The following SI variants were observed in gnomAD, a reference collection of about 807,000 sequenced individuals.
SI encodes the protein sucrase-isomaltase, intestinal.
Under a neutral mutation model 253.3 loss-of-function variants are expected in SI, and 235 were observed. That is an observed-to-expected ratio of 0.93 (90% CI 0.83 to 1.03). SI has a LOEUF of 1.03. SI is among the 50% of genes least tolerant of loss of function. The pLI is 0.00. For synonymous variants in SI, 819 were observed against 712.0 expected (o/e 1.15, Z -2.39); for missense variants, 2,442 against 2,211.1 (o/e 1.10, Z -2.09).
At chr3:165,083,646 A>T in the SI span, among the ~76,000 whole-genome samples, 1 of 152,060 alleles carries the variant, frequency 6.6e-6, no homozygotes. Context: ...GATATTGGCC[A>T]TTGAATTATG....
chr3:164,995,614 G>A (rs961784442), intron 40 of SI, among the ~76,000 whole-genome samples: 3 of 151,274 alleles, frequency 2.0e-5, no homozygotes, highest in African/African-American at 7.3e-5. Flanking sequence ...ACAATCATTG[G>A]GTATTTTACT....
chr3:165,047,945 A>G (rs1441861958), intron 15 of SI, among the ~76,000 whole-genome samples: 1 of 152,092 alleles, frequency 6.6e-6, no homozygotes, highest in South Asian at 2.1e-4. Context: ...GGAAACAATT[A>G]GGAAATGTGT....
At chr3:164,995,918 C>A (rs75982521) in intron 40 of SI, among the ~76,000 whole-genome samples, 1 of 151,508 alleles carries the variant, frequency 6.6e-6, no homozygotes, top group Non-Finnish European at 1.5e-5. Context: ...TGAATCTCTC[C>A]CCAAGCTTTC....
chr3:165,069,139 A>T lies in SI; in HGVS notation c.312T>A (p.Pro104=). ...CWRPWNDSLI[P]WCFFVDNHGY... ...CATGATTATCAACGAAGAAGCACCA[A>T]GGAATAAGAGAGTCATTCCACGGCC... Residue 104 remains proline, a synonymous_variant, in exon 4 of 48, where the codon CCT becomes CCA. Transcript: ENST00000264382. 1 of 1,613,710 alleles carries T rather than the reference A, an allele frequency of 6.2e-7. No homozygotes were observed. The highest frequency in any genetic ancestry group is 8.5e-7 in the Non-Finnish European group (1 of 1,179,780).
At chr3:165,058,297 G>C (rs1713799747) in intron 12 of SI, among the ~76,000 whole-genome samples, 1 of 151,726 alleles carries the variant, frequency 6.6e-6, no homozygotes, top group African/African-American at 2.4e-5. Context: ...GAAGTGCTAA[G>C]GGGAAAAATT....
At chr3:165,070,350 AT>A (rs1714494034) in intron 3 of SI, among the ~76,000 whole-genome samples, 3 of 24,242 alleles carry the variant, frequency 1.2e-4, no homozygotes, top group Non-Finnish European at 3.1e-4. Context: ...AACACCATAT[AT>A]ATATATATAT....
intron 24 of SI, among the ~76,000 whole-genome samples, chr3:165,031,069 A>G (rs906546821): frequency 2.0e-5 from 3 of 149,958 alleles, no homozygotes; most frequent in Non-Finnish European, 4.5e-5. Context: ...TATGCAATAT[A>G]TATGTGTGTA....
At chr3:164,982,897 C>T in intron 46 of SI, 105 bp downstream of exon 46, 1 of 1,098,580 alleles carries the variant, frequency 9.1e-7, no homozygotes, top group Admixed American at 2.2e-5. Flanking sequence ...GCAATCCTCC[C>T]ATGTCAGCCT....
At position 165,041,070 on chromosome 3, in the gene SI, G is replaced by T. The variant is rs760631982; in HGVS notation, c.2029C>A (p.Gln677Lys). The change falls in exon 18 of 48, where the codon CAG (glutamine) becomes AAG (lysine). Residue 677 changes from glutamine to lysine, a missense_variant. Gln to Lys is a moderately conservative substitution (Grantham distance 53). Coordinates refer to ENST00000264382, the MANE Select transcript of SI (RefSeq NM_001041.4). The stretch of plus-strand genomic sequence containing the variant: ...GATGATTTAACCAAAAGTGAATTCT[G>T]CCCAAAAAATGCAGGATCCTGATGC... ...YEHQDPAFFG[Q>K]NSLLVKSSRQ... 1.1e-5 allele frequency: 18 copies of T among 1,612,470 alleles called. No homozygotes were observed. The highest frequency in any genetic ancestry group is 1.5e-5 in the Non-Finnish European group (18 of 1,179,148).
Position 165,017,606 on chromosome 3 carries a change from G to A in SI, c.3701C>T (p.Ala1234Val). ...LGFQLCRYGY[A>V]NTSEVRELYD... Reference sequence around the variant, plus strand: ...TAATTCCCGAACCTCTGAAGTATTTGCATATCCATAACGACATAATTGGAA... The same window carrying A: ...TAATTCCCGAACCTCTGAAGTATTTACATATCCATAACGACATAATTGGAA... Residue 1234 changes from alanine to valine, a missense_variant, in exon 31 of 48, where the codon GCA (alanine) becomes GTA (valine). Ala to Val is a moderately conservative substitution (Grantham distance 64, BLOSUM62 0). Transcript: ENST00000264382. 1 of 1,612,504 alleles carries A rather than the reference G, an allele frequency of 6.2e-7. No individual in the cohort carries two copies. Among genetic ancestry groups the A allele is most frequent in the South Asian group, 1.1e-5 (1 of 91,050 alleles).
chr3:165,042,673 A>G (rs569397638), intron 17 of SI, among the ~76,000 whole-genome samples: 1 of 152,262 alleles, frequency 6.6e-6, no homozygotes, highest in East Asian at 1.9e-4. Flanking sequence ...CAAACTCAAA[A>G]TCCATGACAG....
At position 165,032,956 on chromosome 3, in the gene SI, G is replaced by A. The variant is rs138049775; in HGVS notation, c.2566-264C>T. 5.9e-5 allele frequency among the ~76,000 whole-genome samples: 9 copies of A among 151,274 alleles called. No individual in the cohort carries two copies. The East Asian group carries it at 1.6e-3, about 26-fold the overall frequency. On this transcript the variant is annotated intron_variant, in intron 23 of 47. Coordinates refer to ENST00000264382, the MANE Select transcript of SI (RefSeq NM_001041.4). ...TCATTCTAGTCCTAACATTGATGAA[G>A]AATAATTTAGCTTTGCTAAAGAAGA...
chr3:164,982,932 T>A, intron 46 of SI, 70 bp downstream of exon 46: 1 of 1,454,902 alleles, frequency 6.9e-7, no homozygotes, highest in South Asian at 1.2e-5. Flanking sequence ...ATTACAGGCA[T>A]GAGCCACCCC....
chr3:165,073,835 A>G (rs1381794071), intron 3 of SI, among the ~76,000 whole-genome samples: 1 of 152,140 alleles, frequency 6.6e-6, no homozygotes, highest in Non-Finnish European at 1.5e-5. Flanking sequence ...TTTAAAGTAT[A>G]CAGGAGAATG....
intron 7 of SI, 56 bp downstream of exon 7, chr3:165,065,205 T>G (rs1714173875): frequency 8.7e-7 from 1 of 1,143,842 alleles, no homozygotes; most frequent in Non-Finnish European, 1.3e-6. Context: ...TATGCTAAGA[T>G]TTTCATCTGC....
At position 165,032,758 on chromosome 3, in the gene SI, G is replaced by A. The variant is rs1335749981; in HGVS notation, c.2566-66C>T. Reference sequence around the variant, plus strand: ...GATACAAACCTGAAATAACAATACCGATAAGAAATAGCAAAAAAAGGTCAT... The same window carrying A: ...GATACAAACCTGAAATAACAATACCAATAAGAAATAGCAAAAAAAGGTCAT... On this transcript the variant is annotated intron_variant, in intron 23 of 47. Coordinates refer to ENST00000264382, the MANE Select transcript of SI (RefSeq NM_001041.4). The A allele has an allele frequency of 2.2e-5, 24 of 1,094,198 alleles. 1 individual carries two copies. In the Middle Eastern group the frequency reaches 6.4e-4, roughly 29 times the overall value. The allele number at this position is 1,094,198 out of a possible 1,614,324, so 67.8% of individuals were successfully genotyped here.
intron 26 of SI, 101 bp from the exon 27 acceptor site, chr3:165,021,484 AT>A (rs546232126): frequency 1.6e-4 from 150 of 918,028 alleles, no homozygotes; most frequent in Middle Eastern, 9.4e-4. Context: ...AATATTTAGA[AT>A]TTTTCTCCAC....
intron 3 of SI, among the ~76,000 whole-genome samples, chr3:165,071,504 G>A (rs907579723): frequency 6.0e-5 from 9 of 151,160 alleles, no homozygotes; most frequent in Admixed American, 3.3e-4. Context: ...TATATTAAAT[G>A]TAATAATTTC....
chr3:165,042,913 A>G, intron 17 of SI, 146 bp downstream of exon 17: 1 of 663,404 alleles, frequency 1.5e-6, no homozygotes, highest in Non-Finnish European at 2.7e-6. Flanking sequence ...AAATATGTAT[A>G]GGACTTGAGA....
Sources: gnomAD v4.1 joint callset for allele counts (sites outside exome capture counted in the v4.1 genomes callset) on GRCh38, gnomAD v4.1.1 for gene constraint, MANE v1.5 for transcripts, NCBI Gene and HGNC (gene_info 2026-07-23, HGNC 2026-07-21) for gene names.